The following UHRF2 variants were observed in gnomAD, a reference collection of about 807,000 sequenced individuals.
The protein encoded by UHRF2 is E3 ubiquitin-protein ligase UHRF2.
In UHRF2, 23 loss-of-function variants were observed where a neutral mutation model predicts 96.8. The ratio of observed to expected loss-of-function variants is 0.24; its 90% CI spans 0.17 to 0.34. UHRF2 has a LOEUF of 0.34. Ranked by LOEUF, UHRF2 falls within the 10% of genes least tolerant of loss-of-function variation. The probability of loss-of-function intolerance (pLI) is 1.00; values close to 1 mark genes in which losing one functional copy is unlikely to be tolerated. For missense variants in UHRF2, 685 were observed against 981.5 expected, an observed-to-expected ratio of 0.70 and a Z score of 4.04; for synonymous variants, 385 against 332.6, an observed-to-expected ratio of 1.16 and a Z score of -1.72.
intron 6 of UHRF2, among the ~76,000 whole-genome samples, chr9:6,480,738 TCC>T (rs1340133414): frequency 6.6e-6 from 1 of 152,168 alleles, no homozygotes; most frequent in Non-Finnish European, 1.5e-5. Flanking sequence ...CTTCCTGATT[TCC>T]CAACTAGAAA....
chr9:6,423,950 A>T (rs970025968), intron 2 of UHRF2, among the ~76,000 whole-genome samples: 1 of 104,360 alleles, frequency 9.6e-6, no homozygotes, highest in East Asian at 3.6e-4. Context: ...GTATCAAAAA[A>T]AATAAATAAA....
chr9:6,414,809 T>G (rs1312047174), intron 1 of UHRF2, among the ~76,000 whole-genome samples: 1 of 152,054 alleles, frequency 6.6e-6, no homozygotes, highest in African/African-American at 2.4e-5. Context: ...AGGAGAGAGC[T>G]TTTTTTTCCC....
At chr9:6,493,996 A>G in intron 10 of UHRF2, 64 bp downstream of exon 10, 1 of 1,400,504 alleles carries the variant, frequency 7.1e-7, no homozygotes, top group Non-Finnish European at 9.8e-7. Context: ...AGGACTGTAA[A>G]TTGTAACTTA....
rs762836146 is a variant in UHRF2 at position 6,434,188 on chromosome 9, T to A, written c.644+15T>A. On this transcript the variant is annotated intron_variant, in intron 3 of 15. Transcript: ENST00000276893. ...CAGTATGATGAGTAAGTGCTCAAGCTATTGAGGACTTTATTCATATTTTCA... is the reference window on the plus strand; with the variant it reads ...CAGTATGATGAGTAAGTGCTCAAGCAATTGAGGACTTTATTCATATTTTCA... 9.3e-5 allele frequency: 149 copies of A among 1,593,586 alleles called. 1 individual carries two copies. The highest frequency in any genetic ancestry group is 6.7e-4 in the Admixed American group (39 of 57,840).
intron 6 of UHRF2, among the ~76,000 whole-genome samples, chr9:6,481,222 T>C (rs1254345490): frequency 6.6e-6 from 1 of 152,224 alleles, no homozygotes; most frequent in African/African-American, 2.4e-5. Context: ...TTATATAAAC[T>C]ACCATTTTTC....
At chr9:6,416,498 T>C (rs1819606544) in intron 1 of UHRF2, among the ~76,000 whole-genome samples, 1 of 151,944 alleles carries the variant, frequency 6.6e-6, no homozygotes, top group Admixed American at 6.6e-5. Flanking sequence ...GGATTGGGTC[T>C]TTTTAAGGAA....
intron 8 of UHRF2, among the ~76,000 whole-genome samples, chr9:6,482,924 C>T (rs936833815): frequency 1.3e-5 from 2 of 152,066 alleles, no homozygotes; most frequent in African/African-American, 4.8e-5. Flanking sequence ...GGTACTTAGA[C>T]CTTTAATACA....
chr9:6,418,060 T>C (rs1156870), intron 1 of UHRF2, among the ~76,000 whole-genome samples: 9,420 of 152,262 alleles, frequency 0.062, 939 homozygotes, highest in African/African-American at 0.21. Context: ...TTAAGCACTT[T>C]CATTTAAAAA....
At chr9:6,504,898 T>C (rs964722734) in intron 15 of UHRF2, among the ~76,000 whole-genome samples, 1 of 152,206 alleles carries the variant, frequency 6.6e-6, no homozygotes, top group Non-Finnish European at 1.5e-5. Context: ...ATTTGAGATA[T>C]TCTATCATGT....
chr9:6,424,178 T>C (rs1280081115), intron 2 of UHRF2, among the ~76,000 whole-genome samples: 1 of 152,178 alleles, frequency 6.6e-6, no homozygotes, highest in Non-Finnish European at 1.5e-5. Flanking sequence ...TATGGATACC[T>C]GGGAGAGCTG....
At chr9:6,477,543 C>T (rs574587472) in intron 5 of UHRF2, 79 bp from the exon 6 acceptor site, 10 of 1,369,236 alleles carry the variant, frequency 7.3e-6, no homozygotes, top group East Asian at 2.4e-5. Context: ...AATGCTGTTT[C>T]CATGGGCTTT....
At chr9:6,461,872 T>C (rs1027061050) in intron 4 of UHRF2, among the ~76,000 whole-genome samples, 4 of 152,188 alleles carry the variant, frequency 2.6e-5, no homozygotes, top group Non-Finnish European at 5.9e-5. Context: ...AGTTCTTTAT[T>C]ATCAGTAATT....
At chr9:6,439,240 C>T (rs989601765) in intron 3 of UHRF2, among the ~76,000 whole-genome samples, 8 of 152,072 alleles carry the variant, frequency 5.3e-5, no homozygotes, top group Non-Finnish European at 8.8e-5. Flanking sequence ...GCTGGAGTGC[C>T]GTGGTGTGAT....
intron 2 of UHRF2, among the ~76,000 whole-genome samples, chr9:6,429,709 A>G (rs1329602153): frequency 6.6e-6 from 1 of 152,220 alleles, no homozygotes; most frequent in African/African-American, 2.4e-5. Context: ...TGTGTGTACT[A>G]TATGCTTGCT....
chr9:6,501,220 T>C (rs192403082), intron 14 of UHRF2, among the ~76,000 whole-genome samples: 1 of 152,346 alleles, frequency 6.6e-6, no homozygotes, highest in East Asian at 1.9e-4. Flanking sequence ...TTAATTAATG[T>C]GTGGGCTTTG....
At chr9:6,420,231 A>G (rs1400225071) in intron 1 of UHRF2, among the ~76,000 whole-genome samples, 1 of 151,498 alleles carries the variant, frequency 6.6e-6, no homozygotes, top group Non-Finnish European at 1.5e-5. Context: ...AATACTTTGT[A>G]TTTCTAGTAG....
chr9:6,414,994 A>G (rs1028754713), intron 1 of UHRF2, among the ~76,000 whole-genome samples: 4 of 152,242 alleles, frequency 2.6e-5, no homozygotes, highest in African/African-American at 7.2e-5. Context: ...CTGTGCCTCA[A>G]GTGGCTGATA....
intron 9 of UHRF2, chr9:6,492,947 G>A (rs971823216): frequency 1.3e-5 from 2 of 148,858 alleles, no homozygotes; most frequent in African/African-American, 4.9e-5. Flanking sequence ...CTGAATGTGT[G>A]ATATGGGTGA....
Position 6,493,936 on chromosome 9 carries a change from C to G in UHRF2, c.1604+4C>G. ...AAACATTAACAAACATGAACAGGTA[C>G]TACTATAGACACTGTTTAGAATTTG... On this transcript the variant is annotated splice_donor_region_variant and intron_variant, in intron 10 of 15. Transcript: ENST00000276893. The G allele has an allele frequency of 1.2e-6, 2 of 1,611,082 alleles. No homozygotes were observed. The highest frequency in any genetic ancestry group is 8.5e-7 in the Non-Finnish European group (1 of 1,177,862).
Sources: gnomAD v4.1 joint callset for allele counts (sites outside exome capture counted in the v4.1 genomes callset) on GRCh38, gnomAD v4.1.1 for gene constraint, MANE v1.5 for transcripts, NCBI Gene and HGNC (gene_info 2026-07-23, HGNC 2026-07-21) for gene names.